FYB1: variants seen among roughly 807,000 people sequenced by gnomAD.
FYB1 encodes the protein FYN binding protein 1.
FYB1 carries 41 observed loss-of-function variants against 94.1 expected under a neutral mutation model. That is an observed-to-expected ratio of 0.44 (90% confidence interval 0.34 to 0.57). The LOEUF (loss-of-function observed/expected upper bound fraction) is 0.57. Among genes scored for constraint, FYB1 ranks in the 20% least tolerant of loss-of-function variants. The pLI is 0.02. For synonymous variants in FYB1, 367 were observed against 353.2 expected, an observed-to-expected ratio of 1.04 and a Z score of -0.44; for missense variants, 1,050 against 976.8, an observed-to-expected ratio of 1.07 and a Z score of -1.00.
intron 2 of FYB1, among the ~76,000 whole-genome samples, chr5:39,192,147 T>C (rs1310645778): frequency 1.3e-5 from 2 of 152,242 alleles, no homozygotes; most frequent in African/African-American, 4.8e-5. Flanking sequence ...TCATAACACA[T>C]ACATTTGTCC....
chr5:39,243,254 T>G (rs1304024211), intron 1 of FYB1, among the ~76,000 whole-genome samples: 8 of 152,102 alleles, frequency 5.3e-5, no homozygotes, highest in Non-Finnish European at 1.2e-4. Flanking sequence ...GGTTTTCTTC[T>G]AGGGTTTTTA....
intron 3 of FYB1, among the ~76,000 whole-genome samples, chr5:39,148,198 T>G (rs1382735289): frequency 1.1e-5 from 1 of 88,832 alleles, no homozygotes; most frequent in Non-Finnish European, 2.1e-5. Context: ...TATATATATA[T>G]ATATATATAT....
chr5:39,212,486 G>T (rs1339267311), intron 1 of FYB1, among the ~76,000 whole-genome samples: 1 of 152,038 alleles, frequency 6.6e-6, no homozygotes, highest in African/African-American at 2.4e-5. Context: ...TGACAATGTG[G>T]GATATCCTCC....
In FYB1 at chr5:39,153,541, G is replaced by A. The variant is rs746531540; in HGVS notation, c.1199C>T (p.Pro400Leu). Residue 400 changes from proline to leucine, a missense_variant, in exon 3 of 19, where the codon CCG becomes CTG. Transcript: ENST00000512982. ...TGCTGGCAATGGTGGTTGGCTGGCC[G>A]GATGGGATGGTGGAGGTGGTGGCAG... ...TSLPPPPPSH[P>L]ASQPPLPASH... The A allele has an allele frequency of 3.2e-5, 52 of 1,613,810 alleles. No individual in the cohort carries two copies. The highest frequency in any genetic ancestry group is 1.8e-4 in the East Asian group (8 of 44,882).
chr5:39,265,978 G>GT (rs142472884), intron 1 of FYB1, among the ~76,000 whole-genome samples: 14,579 of 134,030 alleles, frequency 0.11, 799 homozygotes, highest in African/African-American at 0.16. Context: ...AATTTTTACT[G>GT]TTTTTTTTTT....
intron 2 of FYB1, among the ~76,000 whole-genome samples, chr5:39,173,273 T>C (rs1745422668): frequency 6.6e-6 from 1 of 152,244 alleles, no homozygotes; most frequent in Admixed American, 6.5e-5. Context: ...TCTGTTCATG[T>C]TCTTTGCCCA....
intron 2 of FYB1, among the ~76,000 whole-genome samples, chr5:39,189,868 G>T (rs1054217560): frequency 2.0e-5 from 3 of 152,212 alleles, no homozygotes; most frequent in Non-Finnish European, 4.4e-5. Flanking sequence ...CTGAGTCCTT[G>T]TTTAGGTTAT....
At chr5:39,179,509 A>G (rs1159871435) in intron 2 of FYB1, among the ~76,000 whole-genome samples, 3 of 151,854 alleles carry the variant, frequency 2.0e-5, no homozygotes, top group African/African-American at 7.3e-5. Context: ...GTTACAGGAA[A>G]GTCCACTTTG....
intron 2 of FYB1, among the ~76,000 whole-genome samples, chr5:39,196,484 C>T (rs769816073): frequency 7.9e-5 from 12 of 152,030 alleles, no homozygotes; most frequent in Admixed American, 2.0e-4. Flanking sequence ...CATGAGCCAC[C>T]GCACCCGGTC....
At chr5:39,150,876 C>T (rs974152407) in intron 3 of FYB1, among the ~76,000 whole-genome samples, 2 of 152,146 alleles carry the variant, frequency 1.3e-5, no homozygotes, top group Admixed American at 1.3e-4. Flanking sequence ...TCAGCATAGC[C>T]ATTAAGGTGA....
At chr5:39,163,730 G>A (rs1201578410) in intron 2 of FYB1, among the ~76,000 whole-genome samples, 2 of 152,176 alleles carry the variant, frequency 1.3e-5, no homozygotes, top group African/African-American at 2.4e-5. Context: ...AAGGTTAAGT[G>A]TGACTTTAAG....
At position 39,119,054 on chromosome 5, in the gene FYB1, ATATTT is replaced by A; in HGVS notation, c.2239-23_2239-19del. 1.7e-6 allele frequency: 2 copies of A among 1,186,714 alleles called. No individual in the cohort carries two copies. Among genetic ancestry groups the A allele is most frequent in the Non-Finnish European group, 2.3e-6 (2 of 882,356 alleles). The allele number at this position is 1,186,714 out of a possible 1,614,324, so 73.5% of individuals were successfully genotyped here. ...CCATCATACTAAAAAAAAAAGAACA[ATATTT>A]AAATTATTGGTTTATGTGCATTATT... is the stretch of plus-strand genomic sequence containing the variant. On this transcript the variant is annotated intron_variant, in intron 15 of 18. Coordinates refer to ENST00000512982, the MANE Select transcript of FYB1 (RefSeq NM_001465.6).
intron 16 of FYB1, among the ~76,000 whole-genome samples, chr5:39,118,667 GTA>G (rs1454012356): frequency 1.3e-5 from 2 of 152,156 alleles, no homozygotes; most frequent in Non-Finnish European, 2.9e-5. Flanking sequence ...TATATAGATA[GTA>G]TATGGTAAAT....
chr5:39,132,903 T>C (rs185089344), intron 9 of FYB1, among the ~76,000 whole-genome samples: 55 of 152,336 alleles, frequency 3.6e-4, no homozygotes, highest in African/African-American at 1.2e-3. Flanking sequence ...TCATCTGGCC[T>C]CAAAACTGGC....
chr5:39,191,498 C>G (rs1237389616), intron 2 of FYB1, among the ~76,000 whole-genome samples: 1 of 152,162 alleles, frequency 6.6e-6, no homozygotes, highest in Non-Finnish European at 1.5e-5. Context: ...TTTCTATAAC[C>G]AGATGTCTCA....
intron 1 of FYB1, among the ~76,000 whole-genome samples, chr5:39,272,670 C>CAAAAA (rs1195291951): frequency 8.5e-5 from 6 of 70,858 alleles, no homozygotes; most frequent in Non-Finnish European, 1.3e-4. Flanking sequence ...AGACTCATCT[C>CAAAAA]AAAAAAAAAA....
In FYB1 at chr5:39,185,629, T is replaced by C. The variant is rs548070882; in HGVS notation, c.1135+16197A>G. Among the ~76,000 whole-genome samples the C allele has an allele frequency of 3.0e-3, 429 of 141,010 alleles. 3 individuals carry two copies. The highest frequency in any genetic ancestry group is 9.6e-3 in the African/African-American group (362 of 37,686). The allele number at this position is 141,010 out of a possible 152,430, so 92.5% of individuals were successfully genotyped here. A position where few individuals can be genotyped will look rare whatever the true frequency, so the allele number is the denominator to read the frequency against. Reference sequence around the variant, plus strand: ...ATACACATATATATATATACACACATATATATATATATACACACACACACA... The same window carrying C: ...ATACACATATATATATATACACACACATATATATATATACACACACACACA... On this transcript the variant is annotated intron_variant, in intron 2 of 18. Transcript: ENST00000512982.
chr5:39,167,894 C>T (rs894826808), intron 2 of FYB1, among the ~76,000 whole-genome samples: 6 of 152,176 alleles, frequency 3.9e-5, no homozygotes, highest in Non-Finnish European at 8.8e-5. Context: ...ATCACTTAAT[C>T]CTCCAGGGCA....
rs1752358403 is a variant in FYB1 at position 39,264,799 on chromosome 5, A to C, written c.-28+9604T>G. Among the ~76,000 whole-genome samples the C allele has an allele frequency of 2.0e-5, 3 of 152,186 alleles. No homozygotes were observed. The South Asian group carries it at 6.2e-4, about 31-fold the overall frequency. On this transcript the variant is annotated intron_variant, in intron 1 of 1. Coordinates refer to the FYB1 transcript ENST00000510188. ...TGTAGTGATTCCCATGTGCAGCCAG[A>C]GTAGAGAACTACTGCTTCAGCCTGA...
Sources: gnomAD v4.1 joint callset for allele counts (sites outside exome capture counted in the v4.1 genomes callset) on GRCh38, gnomAD v4.1.1 for gene constraint, MANE v1.5 for transcripts, NCBI Gene and HGNC (gene_info 2026-07-23, HGNC 2026-07-21) for gene names.